TLL2: variants seen among roughly 807,000 people sequenced by gnomAD.
TLL2 encodes the protein tolloid-like protein 2.
A neutral mutation model predicts 123.0 loss-of-function variants in TLL2; 106 were observed. The ratio of observed to expected loss-of-function variants is 0.86; its 90% CI spans 0.74 to 1.01. The LOEUF is 1.01. Ranked by LOEUF, TLL2 falls within the 50% of genes least tolerant of loss-of-function variation. The pLI is 0.00. For missense variants in TLL2, 1,332 were observed against 1,336.7 expected (o/e 1.00, Z 0.06); for synonymous variants, 494 against 516.8 (o/e 0.96, Z 0.60).
intron 4 of TLL2, among the ~76,000 whole-genome samples, chr10:96,432,292 A>T (rs1337952840): frequency 6.6e-6 from 1 of 152,128 alleles, no homozygotes; most frequent in Non-Finnish European, 1.5e-5. Context: ...AGGCACAGAG[A>T]GGCTAATTTC....
intron 2 of TLL2, among the ~76,000 whole-genome samples, chr10:96,469,442 C>T (rs1364179362): frequency 6.6e-6 from 1 of 152,246 alleles, no homozygotes; most frequent in Non-Finnish European, 1.5e-5. Flanking sequence ...ATGGGATTTG[C>T]CTGGGTCTCT....
chr10:96,468,164 C>G (rs905690815), intron 2 of TLL2, among the ~76,000 whole-genome samples: 4 of 152,210 alleles, frequency 2.6e-5, no homozygotes, highest in African/African-American at 9.6e-5. Context: ...GACCTACCAT[C>G]TGCTCCCATT....
intron 5 of TLL2, among the ~76,000 whole-genome samples, chr10:96,424,247 C>CA (rs879000563): frequency 1.3e-5 from 2 of 151,634 alleles, no homozygotes; most frequent in Admixed American, 1.3e-4. Flanking sequence ...ACTATTTGAC[C>CA]AAAAAAACAG....
chr10:96,410,776 C>T (rs928329170), intron 8 of TLL2: 5 of 470,818 alleles, frequency 1.1e-5, no homozygotes, highest in Non-Finnish European at 2.0e-5. Context: ...CCTAGACTTG[C>T]TGGACCTTAG....
At chr10:96,376,933 C>A in intron 17 of TLL2, 114 bp from the exon 18 acceptor site, 1 of 1,058,304 alleles carries the variant, frequency 9.4e-7, no homozygotes, top group Non-Finnish European at 1.3e-6. Context: ...GGGTCTTTAT[C>A]AAATATGGGG....
chr10:96,432,938 A>C lies in TLL2; in HGVS notation c.389T>G (p.Leu130Arg). ...GGCATGCAAGGTCCCAGGGCTGTGC[A>C]GGAGTGTGGTATTCTCCCGGCCATC... ...GKDGRENTTL[L>R]HSPGTLHAAA... The change falls in exon 4 of 21, where the codon CTG (leucine) becomes CGG (arginine). Residue 130 changes from leucine (L) to arginine (R), a missense_variant. Transcript: ENST00000357947. 1 of 1,613,884 alleles carries C rather than the reference A, an allele frequency of 6.2e-7. No individual in the cohort carries two copies. Among genetic ancestry groups the C allele is most frequent in the East Asian group, 2.2e-5 (1 of 44,892 alleles).
intron 2 of TLL2, among the ~76,000 whole-genome samples, chr10:96,479,912 C>T (rs1309176288): frequency 6.6e-6 from 1 of 152,210 alleles, no homozygotes; most frequent in Non-Finnish European, 1.5e-5. Flanking sequence ...CCTACTCACC[C>T]TTCAAGACAC....
intron 2 of TLL2, among the ~76,000 whole-genome samples, chr10:96,471,587 G>T (rs765348013): frequency 2.0e-5 from 3 of 152,180 alleles, no homozygotes; most frequent in African/African-American, 4.8e-5. Flanking sequence ...GGTGTCAGAC[G>T]CTGGAATAAG....
chr10:96,452,875 G>A (rs185080622), intron 2 of TLL2, among the ~76,000 whole-genome samples: 1 of 152,320 alleles, frequency 6.6e-6, no homozygotes, highest in Non-Finnish European at 1.5e-5. Flanking sequence ...CTTTTAAAAG[G>A]TTGATTCAGG....
chr10:96,399,743 T>G (rs1468934293), intron 10 of TLL2, among the ~76,000 whole-genome samples: 1 of 152,240 alleles, frequency 6.6e-6, no homozygotes, highest in Non-Finnish European at 1.5e-5. Context: ...GAATTCCTTC[T>G]TAGCCTAGCC....
chr10:96,482,736 G>A (rs1173300442), intron 1 of TLL2, among the ~76,000 whole-genome samples: 1 of 152,154 alleles, frequency 6.6e-6, no homozygotes, highest in African/African-American at 2.4e-5. Context: ...TCTAGAACTG[G>A]ATTGTAGTTA....
chr10:96,418,630 C>T (rs1846588624), intron 7 of TLL2, among the ~76,000 whole-genome samples: 1 of 151,434 alleles, frequency 6.6e-6, no homozygotes, highest in South Asian at 2.1e-4. Flanking sequence ...TAGTCTCTGT[C>T]CTCAAGGATC....
At chr10:96,467,445 C>T (rs576231123) in intron 2 of TLL2, among the ~76,000 whole-genome samples, 1 of 152,206 alleles carries the variant, frequency 6.6e-6, no homozygotes, top group South Asian at 2.1e-4. Context: ...GTTCCCCAGG[C>T]TGGTCTCAAA....
rs142204825 is a variant in TLL2, at chr10:96,386,854, G to A, written c.1852+99C>T. On this transcript the variant is annotated intron_variant, in intron 14 of 20. Transcript: ENST00000357947. ...CCACCATGTCTGCCCATTGCCCATCGTTCCTACACAGCCAGCTGGTTGCCC... is the reference window on the plus strand; with the variant it reads ...CCACCATGTCTGCCCATTGCCCATCATTCCTACACAGCCAGCTGGTTGCCC... 4.3e-3 allele frequency: 6,622 copies of A among 1,548,920 alleles called. 422 individuals carry two copies. The Admixed American group carries it at 0.1, about 24-fold the overall frequency.
At chr10:96,420,871 C>A in intron 7 of TLL2, 85 bp downstream of exon 7, 1 of 1,160,520 alleles carries the variant, frequency 8.6e-7, no homozygotes, top group Non-Finnish European at 1.3e-6. Context: ...TGCAGAGACC[C>A]ACTCTCCGCA....
At chr10:96,475,042 A>G (rs1847223965) in intron 2 of TLL2, among the ~76,000 whole-genome samples, 1 of 152,194 alleles carries the variant, frequency 6.6e-6, no homozygotes, top group Admixed American at 6.5e-5. Context: ...ATCCTTAACT[A>G]ATTAGATCTG....
At chr10:96,466,333 A>T (rs1356855926) in intron 2 of TLL2, among the ~76,000 whole-genome samples, 1 of 152,244 alleles carries the variant, frequency 6.6e-6, no homozygotes, top group Non-Finnish European at 1.5e-5. Flanking sequence ...TGGCAACTCC[A>T]CTACCATCAT....
At chr10:96,466,782 T>A (rs914592078) in intron 2 of TLL2, among the ~76,000 whole-genome samples, 22 of 152,298 alleles carry the variant, frequency 1.4e-4, no homozygotes, top group Non-Finnish European at 2.6e-4. Flanking sequence ...CCAGACGTTG[T>A]GGTTATCTAA....
At chr10:96,441,723 T>C (rs1846852335) in intron 3 of TLL2, among the ~76,000 whole-genome samples, 1 of 152,086 alleles carries the variant, frequency 6.6e-6, no homozygotes, top group African/African-American at 2.4e-5. Context: ...ATGCCTGCGG[T>C]GAGTAAGGGC....
Sources: gnomAD v4.1 joint callset for allele counts (sites outside exome capture counted in the v4.1 genomes callset) on GRCh38, gnomAD v4.1.1 for gene constraint, MANE v1.5 for transcripts, NCBI Gene and HGNC (gene_info 2026-07-23, HGNC 2026-07-21) for gene names.